The following LAP3 variants were observed in gnomAD, a reference collection of about 807,000 sequenced individuals.
LAP3 encodes leucine aminopeptidase 3.
In LAP3, 46 loss-of-function variants were observed where a neutral mutation model predicts 58.8. That is an observed-to-expected ratio of 0.78 (90% CI 0.62 to 1.00). The LOEUF (loss-of-function observed/expected upper bound fraction) is 1.00, where lower values mean the gene tolerates loss of function less well. Among genes scored for constraint, LAP3 ranks in the 50% least tolerant of loss-of-function variants. The pLI, the probability that LAP3 is intolerant of heterozygous loss-of-function variation, is 0.00. For synonymous variants in LAP3, 257 were observed against 237.7 expected, an observed-to-expected ratio of 1.08 and a Z score of -0.75; for missense variants, 615 against 659.1, an observed-to-expected ratio of 0.93 and a Z score of 0.73.
At position 17,577,396 on chromosome 4, in the gene LAP3, C is replaced by T. The variant is rs1404147080; in HGVS notation, c.-70C>T. ...GCCGTCTGCGCCCCGAAAGCCCCGC[C>T]CCAAGGCGCGCCCGCCCACCGCTCT... On this transcript the variant is annotated 5_prime_UTR_variant, in exon 1 of 13. Transcript: ENST00000226299. 1 of 1,267,402 alleles carries T rather than the reference C, an allele frequency of 7.9e-7. No individual in the cohort carries two copies. Among genetic ancestry groups the T allele is most frequent in the Non-Finnish European group, 1.1e-6 (1 of 945,718 alleles). 78.5% of individuals were successfully genotyped at this position (1,267,402 alleles called of 1,614,324 possible).
Position 17,582,327 on chromosome 4 carries a change from G to C in LAP3, c.313G>C (p.Ala105Pro). The C allele has an allele frequency of 6.2e-7, 1 of 1,614,152 alleles. No individual in the cohort carries two copies. The highest frequency in any genetic ancestry group is 1.1e-5 in the South Asian group (1 of 91,078). The part of the protein sequence containing the change: ...SVVLVGLGKK[A>P]AGIDEQENWH... The stretch of plus-strand genomic sequence containing the variant: ...GGTGCTAGTTGGCCTCGGCAAAAAG[G>C]CAGCTGGAATCGACGAACAGGAAAA... Residue 105 changes from alanine (A) to proline (P), a missense_variant, in exon 4 of 13, where the codon GCA becomes CCA. By Grantham distance (27) the Ala-to-Pro change is conservative. Coordinates refer to ENST00000226299, the MANE Select transcript of LAP3 (RefSeq NM_015907.3).
intron 8 of LAP3, 133 bp downstream of exon 8, chr4:17,595,667 C>A: frequency 9.6e-7 from 1 of 1,046,730 alleles, no homozygotes; most frequent in African/African-American, 1.6e-5. Context: ...CAAGCAGTAG[C>A]TATTTAGCCC....
At chr4:17,591,678 G>A (rs1346071953) in intron 7 of LAP3, among the ~76,000 whole-genome samples, 1 of 152,152 alleles carries the variant, frequency 6.6e-6, no homozygotes, top group Non-Finnish European at 1.5e-5. Context: ...TTCTAGTGCA[G>A]GGAAACATGG....
intron 5 of LAP3, 163 bp from the exon 6 acceptor site, chr4:17,584,809 C>T: frequency 1.6e-6 from 1 of 617,662 alleles, no homozygotes; most frequent in Non-Finnish European, 2.7e-6. Context: ...ATCTGCTGCC[C>T]TGGGTCAGAT....
At chr4:17,604,838 C>T (rs1402582238) in intron 11 of LAP3, among the ~76,000 whole-genome samples, 171 bp downstream of exon 11, 1 of 152,130 alleles carries the variant, frequency 6.6e-6, no homozygotes, top group Non-Finnish European at 1.5e-5. Flanking sequence ...ATTGGGTTTT[C>T]CACAAATGCT....
intron 3 of LAP3, 75 bp downstream of exon 3, chr4:17,581,889 TCATACTAAA>T: frequency 8.7e-7 from 1 of 1,144,906 alleles, no homozygotes; most frequent in Non-Finnish European, 1.3e-6. Flanking sequence ...GGCTGTCTAG[TCATACTAAA>T]CATTATGTGT....
At chr4:17,578,641 C>T (rs1371105018) in intron 1 of LAP3, among the ~76,000 whole-genome samples, 2 of 152,164 alleles carry the variant, frequency 1.3e-5, no homozygotes, top group Non-Finnish European at 2.9e-5. Context: ...ACAGAGTTGC[C>T]ATGAGGCAGA....
chr4:17,596,402 CGA>C (rs1713832411), intron 8 of LAP3, among the ~76,000 whole-genome samples: 1 of 151,968 alleles, frequency 6.6e-6, no homozygotes, highest in Non-Finnish European at 1.5e-5. Context: ...TGCAATGGCG[CGA>C]TCTTGGCTCA....
At chr4:17,595,657 C>A in intron 8 of LAP3, 123 bp downstream of exon 8, 1 of 1,126,984 alleles carries the variant, frequency 8.9e-7, no homozygotes, top group South Asian at 1.5e-5. Context: ...AAATAGTCAT[C>A]AAGCAGTAGC....
Position 17,577,577 on chromosome 4 carries a change from G to A in LAP3, c.102+10G>A, listed in dbSNP as rs1189983529. Reference sequence around the variant, plus strand: ...CGCAGACATGACGAAGGTGAGAGGCGGCGGCTCGCTCATGGTCCGCCGCTG... The same window carrying A: ...CGCAGACATGACGAAGGTGAGAGGCAGCGGCTCGCTCATGGTCCGCCGCTG... On this transcript the variant is annotated intron_variant, in intron 1 of 12. Coordinates refer to ENST00000226299, the MANE Select transcript of LAP3 (RefSeq NM_015907.3). 10 of 1,535,644 alleles carry A rather than the reference G, an allele frequency of 6.5e-6. No individual in the cohort carries two copies. The highest frequency in any genetic ancestry group is 8.8e-6 in the Non-Finnish European group (10 of 1,139,454).
intron 2 of LAP3, among the ~76,000 whole-genome samples, chr4:17,580,180 A>ATATATGTG (rs1305416546): frequency 1.8e-4 from 11 of 62,566 alleles, no homozygotes; most frequent in African/African-American, 3.5e-4. Context: ...ATATATATAT[A>ATATATGTG]TGTATTTTTT....
chr4:17,591,113 G>T (rs535635871), intron 7 of LAP3, among the ~76,000 whole-genome samples: 1 of 151,126 alleles, frequency 6.6e-6, no homozygotes, highest in Admixed American at 6.6e-5. Flanking sequence ...ATCTTGCTCT[G>T]TTGCCCAGGC....
intron 10 of LAP3, among the ~76,000 whole-genome samples, chr4:17,602,675 T>G (rs1010659185): frequency 2.0e-5 from 3 of 152,134 alleles, no homozygotes; most frequent in African/African-American, 7.2e-5. Flanking sequence ...AACATTTGTT[T>G]ATAAAAGAGG....
chr4:17,606,955 A>G lies in LAP3; in HGVS notation c.1370+17A>G. On this transcript the variant is annotated intron_variant, in intron 12 of 12. Coordinates refer to ENST00000226299, the MANE Select transcript of LAP3 (RefSeq NM_015907.3). ...AAAATACAGGTATGTAAGCTAAGCT[A>G]AATGTACATTTATACAATCATCCTT... is the stretch of plus-strand genomic sequence containing the variant. 6.7e-7 allele frequency: 1 copy of G among 1,488,430 alleles called. No individual in the cohort carries two copies. Among genetic ancestry groups the G allele is most frequent in the Non-Finnish European group, 9.3e-7 (1 of 1,070,656 alleles). 92.2% of individuals were successfully genotyped at this position (1,488,430 alleles called of 1,614,324 possible). A position where few individuals can be genotyped will look rare whatever the true frequency, so the allele number is the denominator to read the frequency against.
intron 6 of LAP3, among the ~76,000 whole-genome samples, chr4:17,588,237 G>A (rs1018969816): frequency 4.6e-5 from 7 of 150,886 alleles, no homozygotes; most frequent in African/African-American, 1.7e-4. Flanking sequence ...GTCTCAACTT[G>A]TTGCCTAGGC....
rs563695004 is a variant in LAP3, at chr4:17,596,641, T to C, written c.989-405T>C. Among the ~76,000 whole-genome samples, 17 of 152,308 alleles carry C rather than the reference T, an allele frequency of 1.1e-4. No individual in the cohort carries two copies. The South Asian group carries it at 2.9e-3, about 26-fold the overall frequency. ...GGCATGAGCCACCGCGCCTGGCCTATATTTAGCTTTTAAATCCAGAAACTA... is the reference window on the plus strand; with the variant it reads ...GGCATGAGCCACCGCGCCTGGCCTACATTTAGCTTTTAAATCCAGAAACTA... On this transcript the variant is annotated intron_variant, in intron 8 of 12. Transcript: ENST00000226299.
At position 17,577,410 on chromosome 4, in the gene LAP3, G is replaced by T. The variant is rs1410784461; in HGVS notation, c.-56G>T. 1.3e-5 allele frequency: 18 copies of T among 1,375,014 alleles called. No individual in the cohort carries two copies. Among genetic ancestry groups the T allele is most frequent in the African/African-American group, 3.0e-5 (2 of 65,744 alleles). The allele number at this position is 1,375,014 out of a possible 1,614,324, so 85.2% of individuals were successfully genotyped here. A position where few individuals can be genotyped will look rare whatever the true frequency, so the allele number is the denominator to read the frequency against. On this transcript the variant is annotated 5_prime_UTR_variant, in exon 1 of 13. Coordinates refer to ENST00000226299, the MANE Select transcript of LAP3 (RefSeq NM_015907.3). ...GAAAGCCCCGCCCCAAGGCGCGCCCGCCCACCGCTCTCCACGTGCTCGCTG... is the reference window on the plus strand; with the variant it reads ...GAAAGCCCCGCCCCAAGGCGCGCCCTCCCACCGCTCTCCACGTGCTCGCTG...
At chr4:17,590,760 A>C (rs747200890) in intron 7 of LAP3, among the ~76,000 whole-genome samples, 1 of 151,492 alleles carries the variant, frequency 6.6e-6, no homozygotes, top group Non-Finnish European at 1.5e-5. Context: ...TTTAGTAGAG[A>C]TGGGGTTTCA....
chr4:17,593,876 G>C (rs573775253), intron 7 of LAP3, among the ~76,000 whole-genome samples: 3 of 152,080 alleles, frequency 2.0e-5, no homozygotes, highest in Non-Finnish European at 4.4e-5. Flanking sequence ...GCCTCCCTAA[G>C]TGCTGGGATT....
Sources: gnomAD v4.1 joint callset for allele counts (sites outside exome capture counted in the v4.1 genomes callset) on GRCh38, gnomAD v4.1.1 for gene constraint, MANE v1.5 for transcripts, NCBI Gene and HGNC (gene_info 2026-07-23, HGNC 2026-07-21) for gene names.